Variants in RBFOX3 observed in about 807,000 individuals in gnomAD.
RBFOX3 encodes the protein RNA binding protein fox-1 homolog 3.
RBFOX3 carries 17 observed loss-of-function variants against 48.7 expected under a neutral mutation model. The observed-to-expected ratio is 0.35, with a 90% CI of 0.24 to 0.52. RBFOX3 has a LOEUF of 0.52. RBFOX3 is among the 20% of genes least tolerant of loss of function. The pLI, the probability that RBFOX3 is intolerant of heterozygous loss-of-function variation, is 0.94. For missense variants in RBFOX3, 382 were observed against 497.5 expected, an observed-to-expected ratio of 0.77 and a Z score of 2.21; for synonymous variants, 212 against 209.5, an observed-to-expected ratio of 1.01 and a Z score of -0.10.
At chr17:79,493,001 A>G (rs1373551310) in intron 1 of RBFOX3, among the ~76,000 whole-genome samples, 1 of 152,160 alleles carries the variant, frequency 6.6e-6, no homozygotes, top group Non-Finnish European at 1.5e-5. Flanking sequence ...GAGATGCCTG[A>G]GGCTGGGTCA....
rs2056113947 is a variant in RBFOX3 at position 79,198,359 on chromosome 17, CAG to C, written c.-34+37405_-34+37406del. ...GAGCCTGCACCTGGCGATGGTGACT[CAG>C]GGGATGTCTTTCCAGCTCTCACGGG... On this transcript the variant is annotated intron_variant, in intron 4 of 14. Transcript: ENST00000693108. This position sits in a 1 kb window ranked among gnomAD's most constrained non-coding sequence, Gnocchi z 8.2. Among the ~76,000 whole-genome samples the C allele has an allele frequency of 6.6e-6, 1 of 152,144 alleles. No homozygotes were observed. The highest frequency in any genetic ancestry group is 1.5e-5 in the Non-Finnish European group (1 of 68,028).
At chr17:79,309,803 C>T (rs2076595817) in intron 2 of RBFOX3, among the ~76,000 whole-genome samples, 1 of 152,114 alleles carries the variant, frequency 6.6e-6, no homozygotes, top group South Asian at 2.1e-4. Context: ...GCAGTTCCCC[C>T]CTCACTCTCA....
upstream of RBFOX3, among the ~76,000 whole-genome samples, chr17:79,611,130 T>TCTCTCTCTCTCTCTCCCTCTCTCTCTCTC (rs1491548376): frequency 5.3e-5 from 2 of 37,846 alleles, 1 homozygote; most frequent in Non-Finnish European, 8.5e-5. Flanking sequence ...TCCGCCCTCC[T>TCTCTCTCTCTCTCTCCCTCTCTCTCTCTC]TCTCTCTCTC....
chr17:79,309,154 G>T (rs1349830877), intron 2 of RBFOX3, among the ~76,000 whole-genome samples: 1 of 151,792 alleles, frequency 6.6e-6, no homozygotes, highest in Non-Finnish European at 1.5e-5. Context: ...CCCAGTGTAT[G>T]ACATCTTGTT....
chr17:79,124,346 G>A lies in RBFOX3; in HGVS notation c.-33-8598C>T, dbSNP rs115792759. On this transcript the variant is annotated intron_variant, in intron 4 of 14. Coordinates refer to ENST00000693108, the MANE Select transcript of RBFOX3 (RefSeq NM_001350451.2). The stretch of plus-strand genomic sequence containing the variant: ...GCTGCCCCGGAGGCCTGAACGTGTG[G>A]CAGATAAATGACACTGAACGAGGCT... 4.2e-3 allele frequency among the ~76,000 whole-genome samples: 642 copies of A among 152,334 alleles called. 7 individuals carry two copies. The highest frequency in any genetic ancestry group is 0.015 in the African/African-American group (628 of 41,558).
At chr17:79,293,358 C>T (rs1247693565) in intron 3 of RBFOX3, among the ~76,000 whole-genome samples, 2 of 136,150 alleles carry the variant, frequency 1.5e-5, no homozygotes, top group African/African-American at 5.4e-5. Context: ...TCCCTGCCTC[C>T]CTCCCCTCCC....
chr17:79,490,048 T>C (rs1358890194), intron 1 of RBFOX3, among the ~76,000 whole-genome samples: 1 of 152,170 alleles, frequency 6.6e-6, no homozygotes, highest in African/African-American at 2.4e-5. Flanking sequence ...ATGAACCTCC[T>C]CCCCCTGTTT....
chr17:79,624,164 C>T, the RBFOX3 span, among the ~76,000 whole-genome samples: 1 of 152,088 alleles, frequency 6.6e-6, no homozygotes, highest in African/African-American at 2.4e-5. Context: ...TACGGTAGTC[C>T]TAGAAAACTT....
At chr17:79,289,150 C>T (rs1434058956) in intron 3 of RBFOX3, among the ~76,000 whole-genome samples, 1 of 152,176 alleles carries the variant, frequency 6.6e-6, no homozygotes, top group Non-Finnish European at 1.5e-5. Flanking sequence ...CTATGCAGAG[C>T]CAGGGACACC....
chr17:79,256,419 C>T (rs908151531), intron 3 of RBFOX3, among the ~76,000 whole-genome samples: 5 of 152,196 alleles, frequency 3.3e-5, no homozygotes, highest in African/African-American at 1.2e-4. Flanking sequence ...GATGGCACCA[C>T]GCCACTCACT....
chr17:79,222,672 C>T (rs1340744903), intron 4 of RBFOX3, among the ~76,000 whole-genome samples: 1 of 152,240 alleles, frequency 6.6e-6, no homozygotes. Flanking sequence ...TCCTCCATGT[C>T]CCCCCACACA....
chr17:79,097,727 A>C lies in RBFOX3; in HGVS notation c.587T>G (p.Val196Gly). Residue 196 changes from valine to glycine, a missense_variant, in exon 10 of 15, where the codon GTG (valine) becomes GGG (glycine). This residue lies in a region of RBFOX3 where 215 missense variants were observed against 254.8 expected (regional missense o/e 0.84). Transcript: ENST00000693108. ...PYTNGWKLNP[V>G]VGAVYGPEFY... ...TTCAGGCCCGTAGACTGCGCCGACC[A>C]CTGGATTTAGCTTCCAGCCTAAAAC... The C allele has an allele frequency of 2.0e-6, 3 of 1,515,622 alleles. No individual in the cohort carries two copies. The highest frequency in any genetic ancestry group is 2.7e-6 in the Non-Finnish European group (3 of 1,125,602). 93.9% of individuals were successfully genotyped at this position (1,515,622 alleles called of 1,614,324 possible).
chr17:79,414,474 G>A (rs1171875209), intron 2 of RBFOX3, among the ~76,000 whole-genome samples: 1 of 152,138 alleles, frequency 6.6e-6, no homozygotes, highest in Non-Finnish European at 1.5e-5. Context: ...TGCAAATGCG[G>A]CGGGACGGTG....
rs184881809 is a variant in RBFOX3 at position 79,177,874 on chromosome 17, C to T, written c.-34+57892G>A. ...GTTAGCTGCTCCCCATTGCCTGGAC[C>T]ATCCCTGGCCCCGGCCCTCTCCAGC... On this transcript the variant is annotated intron_variant, in intron 4 of 14. Transcript: ENST00000693108. Among the ~76,000 whole-genome samples, 166 of 152,336 alleles carry T rather than the reference C, an allele frequency of 1.1e-3. No individual in the cohort carries two copies. The Middle Eastern group carries it at 0.017, about 16-fold the overall frequency.
chr17:79,435,895 T>C (rs1478868660), intron 2 of RBFOX3, among the ~76,000 whole-genome samples: 3 of 152,258 alleles, frequency 2.0e-5, no homozygotes, highest in African/African-American at 7.2e-5. Flanking sequence ...AAAGCAATCT[T>C]AACATTGTTC....
chr17:79,622,021 T>C, the RBFOX3 span, among the ~76,000 whole-genome samples: 1 of 152,210 alleles, frequency 6.6e-6, no homozygotes, highest in African/African-American at 2.4e-5. Flanking sequence ...TCACCCTTAA[T>C]GTAAATTTCA....
intron 2 of RBFOX3, among the ~76,000 whole-genome samples, chr17:79,397,249 G>A (rs757477029): frequency 2.0e-5 from 3 of 152,118 alleles, no homozygotes; most frequent in Non-Finnish European, 2.9e-5. Context: ...TTGGGAGGCC[G>A]AGGCAGGCGG....
intron 2 of RBFOX3, among the ~76,000 whole-genome samples, chr17:79,376,602 C>T (rs1172795233): frequency 2.0e-5 from 3 of 152,160 alleles, no homozygotes; most frequent in African/African-American, 7.2e-5. Context: ...CAGGGCATCC[C>T]CGGCCCAGCC....
chr17:79,568,127 C>G (rs1390977543), intron 1 of RBFOX3, among the ~76,000 whole-genome samples: 1 of 151,794 alleles, frequency 6.6e-6, no homozygotes, highest in African/African-American at 2.4e-5. Flanking sequence ...ACCTTTCCCT[C>G]ACCCCTGCCA....
Sources: allele counts gnomAD v4.1 joint callset (sites outside exome capture counted in the v4.1 genomes callset), GRCh38; gene constraint gnomAD v4.1.1; regional missense constraint gnomAD v4.1.1; non-coding constraint Gnocchi (gnomAD v3.1); transcripts MANE v1.5; gene names NCBI Gene and HGNC (gene_info 2026-07-23, HGNC 2026-07-21).